EGFR: variants seen among roughly 807,000 people sequenced by gnomAD.
EGFR encodes avian erythroblastic leukemia viral (v-erb-b) oncogene homolog.
EGFR carries 58 observed loss-of-function variants against 143.0 expected under a neutral mutation model. The observed-to-expected ratio is 0.41, with a 90% CI of 0.33 to 0.50. The LOEUF (loss-of-function observed/expected upper bound fraction) is 0.50, where lower values mean the gene tolerates loss of function less well. Ranked by LOEUF, EGFR falls within the 20% of genes least tolerant of loss-of-function variation. EGFR has a pLI of 0.39. For synonymous variants in EGFR, 613 were observed against 594.4 expected (o/e 1.03, Z -0.45); for missense variants, 1,307 against 1,579.0 (o/e 0.83, Z 2.92).
chr7:55,104,650 C>A (rs1554332317), intron 1 of EGFR, among the ~76,000 whole-genome samples: 1 of 152,186 alleles, frequency 6.6e-6, no homozygotes, highest in Non-Finnish European at 1.5e-5. Flanking sequence ...CGTGTGAAGT[C>A]CCAAAGCTCT....
chr7:55,141,126 A>T (rs1584139198), intron 1 of EGFR, among the ~76,000 whole-genome samples: 2 of 152,236 alleles, frequency 1.3e-5, no homozygotes, highest in Non-Finnish European at 2.9e-5. Context: ...GCCTTTGCAG[A>T]TGAGGAAGAA....
intron 20 of EGFR, among the ~76,000 whole-genome samples, chr7:55,189,233 G>T (rs1323453904): frequency 6.6e-6 from 1 of 152,144 alleles, no homozygotes; most frequent in Non-Finnish European, 1.5e-5. Flanking sequence ...TAAAGCCATG[G>T]TCCCAGTAGT....
At chr7:55,031,730 G>GA (rs1220407267) in intron 1 of EGFR, among the ~76,000 whole-genome samples, 5 of 152,216 alleles carry the variant, frequency 3.3e-5, no homozygotes, top group African/African-American at 1.2e-4. Flanking sequence ...AAGTAGTCAC[G>GA]AACTCAAGGC....
At chr7:55,134,300 C>T (rs1029864476) in intron 1 of EGFR, among the ~76,000 whole-genome samples, 1 of 148,716 alleles carries the variant, frequency 6.7e-6, no homozygotes, top group African/African-American at 2.4e-5. Context: ...GTGAGGCCCA[C>T]CCCAGCCACA....
intron 1 of EGFR, among the ~76,000 whole-genome samples, chr7:55,090,315 T>G (rs1466403722): frequency 6.6e-6 from 1 of 152,116 alleles, no homozygotes; most frequent in Non-Finnish European, 1.5e-5. Context: ...CTTCAAATGA[T>G]CTCCAGGGTA....
chr7:55,205,348 G>C lies in EGFR; in HGVS notation c.3364G>C (p.Asp1122His), dbSNP rs1788066477. The part of the protein sequence containing the change: ...NQPLNPAPSR[D>H]PHYQDPHSTA... ...GCCTCTGAACCCCGCGCCCAGCAGA[G>C]ACCCACACTACCAGGACCCCCACAG... The change falls in exon 28 of 28, where the codon GAC becomes CAC. Residue 1122 changes from aspartate (D) to histidine (H), a missense_variant. Around this residue, in one of 7 missense-constraint regions of EGFR, gnomAD observed 313 missense variants for 312.3 expected, o/e 1.00. Coordinates refer to ENST00000275493, the MANE Select transcript of EGFR (RefSeq NM_005228.5). 6.2e-7 allele frequency: 1 copy of C among 1,613,196 alleles called. No homozygotes were observed. The highest frequency in any genetic ancestry group is 8.5e-7 in the Non-Finnish European group (1 of 1,179,416).
At chr7:55,027,989 A>ATATATAT (rs1427050656) in intron 1 of EGFR, among the ~76,000 whole-genome samples, 60 of 73,972 alleles carry the variant, frequency 8.1e-4, no homozygotes, top group East Asian at 7.5e-3. Flanking sequence ...AAAAAAAAAA[A>ATATATAT]AAATATATAT....
At chr7:55,165,570 C>G in intron 15 of EGFR, 133 bp downstream of exon 15, 1 of 1,265,220 alleles carries the variant, frequency 7.9e-7, no homozygotes, top group Non-Finnish European at 1.1e-6. Flanking sequence ...GTTTTGGTCC[C>G]CACAGCCATG....
At chr7:55,128,484 G>A (rs1373999786) in intron 1 of EGFR, among the ~76,000 whole-genome samples, 2 of 152,160 alleles carry the variant, frequency 1.3e-5, no homozygotes, top group East Asian at 3.8e-4. Flanking sequence ...TTTTCAAAAA[G>A]CAAAAGAAAA....
Position 55,157,079 on chromosome 7 carries a change from A to T in EGFR, c.1207+247A>T, listed in dbSNP as rs371090118. On this transcript the variant is annotated intron_variant, in intron 10 of 27. Coordinates refer to ENST00000275493, the MANE Select transcript of EGFR (RefSeq NM_005228.5). Reference sequence around the variant, plus strand: ...TTCTCCCTCCCGCCCGGCCCCAGCCAGCTGCCTTGGTGGCCCATAACCCCT... The same window carrying T: ...TTCTCCCTCCCGCCCGGCCCCAGCCTGCTGCCTTGGTGGCCCATAACCCCT... 23 of 956,812 alleles carry T rather than the reference A, an allele frequency of 2.4e-5. No homozygotes were observed. In the East Asian group the frequency reaches 5.8e-4, roughly 24 times the overall value. The allele number at this position is 956,812 out of a possible 1,614,324, so 59.3% of individuals were successfully genotyped here. A position where few individuals can be genotyped will look rare whatever the true frequency, so the allele number is the denominator to read the frequency against.
At chr7:55,188,097 G>A (rs1584250560) in intron 20 of EGFR, among the ~76,000 whole-genome samples, 1 of 152,156 alleles carries the variant, frequency 6.6e-6, no homozygotes. Context: ...TGAACCTTAA[G>A]CCTCTTTCTG....
At chr7:55,186,084 G>A (rs1787124030) in intron 20 of EGFR, among the ~76,000 whole-genome samples, 1 of 152,178 alleles carries the variant, frequency 6.6e-6, no homozygotes, top group African/African-American at 2.4e-5. Flanking sequence ...GGTGGTGCCA[G>A]CACATTCCAG....
intron 1 of EGFR, among the ~76,000 whole-genome samples, chr7:55,022,939 T>G (rs1786660561): frequency 6.6e-6 from 1 of 152,256 alleles, no homozygotes; most frequent in Non-Finnish European, 1.5e-5. Context: ...CCTCCCTGTT[T>G]GAAAAGAAAA....
chr7:55,161,680 C>G (rs527437216), intron 13 of EGFR, 49 bp downstream of exon 13: 1 of 1,613,796 alleles, frequency 6.2e-7, no homozygotes, highest in Non-Finnish European at 8.5e-7. Flanking sequence ...AAATAAGGCT[C>G]CAGGTTGTTG....
intron 1 of EGFR, among the ~76,000 whole-genome samples, chr7:55,064,051 C>T (rs1173456177): frequency 1.3e-5 from 2 of 152,038 alleles, no homozygotes; most frequent in Non-Finnish European, 2.9e-5. Flanking sequence ...TTAAGTCTTC[C>T]ATGGACTAAA....
At chr7:55,066,717 T>C (rs910736726) in intron 1 of EGFR, among the ~76,000 whole-genome samples, 2 of 152,182 alleles carry the variant, frequency 1.3e-5, no homozygotes, top group Non-Finnish European at 2.9e-5. Flanking sequence ...CCAGGGGTGC[T>C]GTGGATTCAC....
intron 1 of EGFR, among the ~76,000 whole-genome samples, chr7:55,062,191 C>T (rs1197734376): frequency 6.6e-6 from 1 of 152,216 alleles, no homozygotes; most frequent in Non-Finnish European, 1.5e-5. Context: ...GGGTCTCAAT[C>T]TCAGCACCAG....
At chr7:55,180,574 C>CCCGGGCAG (rs2128957596) in intron 19 of EGFR, 1 of 153,346 alleles carries the variant, frequency 6.5e-6, no homozygotes, top group Admixed American at 6.5e-5. Context: ...AGAAATGGGT[C>CCCGGGCAG]CCGGGCAGCC....
chr7:55,031,519 G>GAA (rs17335745), intron 1 of EGFR, among the ~76,000 whole-genome samples: 1 of 26,050 alleles, frequency 3.8e-5, no homozygotes, highest in African/African-American at 2.1e-4. Flanking sequence ...TGGTGTCAGG[G>GAA]AGAGAGTTGA....
Sources: gnomAD v4.1 joint callset for allele counts (sites outside exome capture counted in the v4.1 genomes callset) on GRCh38, gnomAD v4.1.1 for gene constraint, gnomAD v4.1.1 regional missense constraint, MANE v1.5 for transcripts, NCBI Gene and HGNC (gene_info 2026-07-23, HGNC 2026-07-21) for gene names.